Variants in DBR1 observed in about 807,000 individuals in gnomAD.
The protein encoded by DBR1 is debranching RNA lariats 1, also known as lariat debranching enzyme.
A neutral mutation model predicts 45.9 loss-of-function variants in DBR1; 33 were observed. The ratio of observed to expected loss-of-function variants is 0.72; its 90% CI spans 0.55 to 0.96. The LOEUF (loss-of-function observed/expected upper bound fraction) is 0.96. DBR1 is among the 40% of genes least tolerant of loss of function. The probability of loss-of-function intolerance (pLI) is 0.00; values close to 1 mark genes in which losing one functional copy is unlikely to be tolerated. For missense variants in DBR1, 619 were observed against 667.4 expected (o/e 0.93, Z 0.80); for synonymous variants, 235 against 235.9 (o/e 1.00, Z 0.04).
At position 138,165,590 on chromosome 3, in the gene DBR1, G is replaced by A. The variant is rs1258659473; in HGVS notation, c.714+1491C>T. ...TAAAAATAGAAAAAATTAGCCAGGC[G>A]TGGTGGCGGGCGCCTGTAGTCCCAG... On this transcript the variant is annotated intron_variant, in intron 5 of 7. Transcript: ENST00000260803. Among the ~76,000 whole-genome samples the A allele has an allele frequency of 1.3e-5, 2 of 152,088 alleles. 1 individual carries two copies. The highest frequency in any genetic ancestry group is 4.1e-4 in the South Asian group (2 of 4,832).
rs1397048462 is a variant in DBR1, at chr3:138,174,709, C to T, written c.87G>A (p.Gly29=). The change falls in exon 1 of 8, where the codon GGG becomes GGA. Residue 29 remains glycine (G), a synonymous_variant. Coordinates refer to ENST00000260803, the MANE Select transcript of DBR1 (RefSeq NM_016216.4). ...TLALAERRGP[G]PVDLLLCCGD... ...CGCAGCACAGCAAGAGGTCGACAGGCCCCGGGCCGCGCCGCTCTGCCAGCG... is the reference window on the plus strand; with the variant it reads ...CGCAGCACAGCAAGAGGTCGACAGGTCCCGGGCCGCGCCGCTCTGCCAGCG... The T allele has an allele frequency of 6.2e-7, 1 of 1,612,672 alleles. No homozygotes were observed. The highest frequency in any genetic ancestry group is 8.5e-7 in the Non-Finnish European group (1 of 1,179,596).
rs377091967 is a variant in DBR1 at position 138,163,863 on chromosome 3, A to C, written c.715-5T>G. 2.7e-5 allele frequency: 43 copies of C among 1,605,490 alleles called. No individual in the cohort carries two copies. Among genetic ancestry groups the C allele is most frequent in the Non-Finnish European group, 3.5e-5 (41 of 1,172,716 alleles). ...TGTCTGTCCTTTATCCTTTGCCTGG[A>C]CAATATGAATCATGATTTAAGAAAG... On this transcript the variant is annotated splice_polypyrimidine_tract_variant and splice_region_variant and intron_variant, in intron 5 of 7. Coordinates refer to ENST00000260803, the MANE Select transcript of DBR1 (RefSeq NM_016216.4).
chr3:138,172,070 C>A (rs1203826341), intron 2 of DBR1, among the ~76,000 whole-genome samples: 2 of 152,108 alleles, frequency 1.3e-5, no homozygotes, highest in Non-Finnish European at 2.9e-5. Flanking sequence ...CATGTATAAA[C>A]CTGAAAATCA....
At chr3:138,166,783 G>A (rs2042931898) in intron 5 of DBR1, among the ~76,000 whole-genome samples, 1 of 152,106 alleles carries the variant, frequency 6.6e-6, no homozygotes, top group South Asian at 2.1e-4. Flanking sequence ...CCCTTACAAT[G>A]TGTTTCTTCC....
intron 7 of DBR1, 59 bp from the exon 8 acceptor site, chr3:138,162,641 G>T: frequency 7.2e-7 from 1 of 1,379,722 alleles, no homozygotes; most frequent in South Asian, 1.4e-5. Flanking sequence ...AATAAATGAT[G>T]AAATCTAATT....
chr3:138,167,323 GAGAA>G lies in DBR1; in HGVS notation c.490-22_490-19del, dbSNP rs756940455. 3.1e-5 allele frequency: 48 copies of G among 1,546,610 alleles called. No homozygotes were observed. The highest frequency in any genetic ancestry group is 6.7e-5 in the East Asian group (3 of 44,572). On this transcript the variant is annotated intron_variant, in intron 4 of 7. Coordinates refer to ENST00000260803, the MANE Select transcript of DBR1 (RefSeq NM_016216.4). ...TGCTTCAGCTTTCAAAAGAGAAAAA[GAGAA>G]AGAAAGAAAACTCTTAAAACAGATT...
chr3:138,165,549 G>C (rs1402729450), intron 5 of DBR1, among the ~76,000 whole-genome samples: 1 of 151,974 alleles, frequency 6.6e-6, no homozygotes, highest in Non-Finnish European at 1.5e-5. Flanking sequence ...CTAACACAGT[G>C]AAACGCCGTC....
intron 5 of DBR1, 114 bp downstream of exon 5, chr3:138,166,967 T>G (rs1186711633): frequency 2.3e-6 from 2 of 886,696 alleles, no homozygotes; most frequent in African/African-American, 1.7e-5. Context: ...TATATTGAGC[T>G]ACTCACAAGA....
At chr3:138,165,831 A>G (rs560609937) in intron 5 of DBR1, among the ~76,000 whole-genome samples, 1 of 152,386 alleles carries the variant, frequency 6.6e-6, no homozygotes, top group South Asian at 2.1e-4. Flanking sequence ...GGGATAAAAT[A>G]GAAAGTGGCA....
At position 138,173,587 on chromosome 3, in the gene DBR1, G is replaced by A. The variant is rs35147674; in HGVS notation, c.237C>T (p.Leu79=). The change falls in exon 2 of 8, where the codon CTC becomes CTT. Residue 79 remains leucine (L), a synonymous_variant. Coordinates refer to ENST00000260803, the MANE Select transcript of DBR1 (RefSeq NM_016216.4). ...SGEKKAPVLT[L]FIGGNHEASN... Reference sequence around the variant, plus strand: ...AGGCTTCATGGTTTCCCCCAATGAAGAGCGTGAGAACTGGAGCCTTTTTCT... The same window carrying A: ...AGGCTTCATGGTTTCCCCCAATGAAAAGCGTGAGAACTGGAGCCTTTTTCT... The A allele has an allele frequency of 5.8e-3, 9,305 of 1,613,770 alleles. 53 individuals are homozygous for A. The highest frequency in any genetic ancestry group is 0.016 in the South Asian group (1,428 of 91,058).
intron 4 of DBR1, among the ~76,000 whole-genome samples, chr3:138,168,520 C>CA (rs1315660239): frequency 0.045 from 2,819 of 62,272 alleles, 60 homozygotes; most frequent in African/African-American, 0.11. Flanking sequence ...AACTTTGTCT[C>CA]AAAAAAAAAA....
chr3:138,169,997 A>T, intron 4 of DBR1, 110 bp downstream of exon 4: 1 of 715,076 alleles, frequency 1.4e-6, no homozygotes, highest in East Asian at 2.7e-5. Flanking sequence ...CATTTTAAAA[A>T]TACAGAATTG....
chr3:138,173,206 T>C (rs1353072306), intron 2 of DBR1, among the ~76,000 whole-genome samples: 1 of 129,212 alleles, frequency 7.7e-6, no homozygotes, highest in Admixed American at 8.8e-5. Flanking sequence ...TTTCTATTAA[T>C]AAAAGTTTAA....
At chr3:138,170,258 T>C (rs1431219033) in intron 3 of DBR1, 66 bp from the exon 4 acceptor site, 8 of 974,076 alleles carry the variant, frequency 8.2e-6, no homozygotes, top group African/African-American at 3.3e-5. Context: ...CAAAGACATA[T>C]ACACAGGTCT....
intron 7 of DBR1, 147 bp downstream of exon 7, chr3:138,163,202 G>C: frequency 1.3e-6 from 1 of 765,272 alleles, no homozygotes; most frequent in Non-Finnish European, 2.0e-6. Flanking sequence ...AGAGGATGCA[G>C]TGAGCCAAGA....
At chr3:138,165,764 A>T (rs1444248188) in intron 5 of DBR1, among the ~76,000 whole-genome samples, 1 of 152,192 alleles carries the variant, frequency 6.6e-6, no homozygotes, top group African/African-American at 2.4e-5. Flanking sequence ...TGGAGATTAT[A>T]GGCAGATATT....
Position 138,162,137 on chromosome 3 carries a change from CA to C in DBR1, c.1386del (p.Ala463GlnfsTer13). On this transcript the variant is annotated frameshift_variant, in exon 8 of 8. Transcript: ENST00000260803. LOFTEE classifies it high-confidence loss of function. Reference protein sequence around the residue: ...VEPSDQASEFSASFSDVRILP... With the variant: ...VEPSDQASEFXASFSDVRILP... ...AAGATCCTGACATCAGAGAAACTTGCAGAAAACTCAGAAGCTTGATCAGAAG... is the reference window on the plus strand; with the variant it reads ...AAGATCCTGACATCAGAGAAACTTGCGAAAACTCAGAAGCTTGATCAGAAG... 6.2e-7 allele frequency: 1 copy of C among 1,614,182 alleles called. No homozygotes were observed. Among genetic ancestry groups the C allele is most frequent in the East Asian group, 2.2e-5 (1 of 44,882 alleles).
At chr3:138,174,023 GA>G (rs138787515) in intron 1 of DBR1, among the ~76,000 whole-genome samples, 2,733 of 123,778 alleles carry the variant, frequency 0.022, 27 homozygotes, top group African/African-American at 0.054. Flanking sequence ...TCTGTCTCAA[GA>G]AAAAAAAAAA....
intron 5 of DBR1, among the ~76,000 whole-genome samples, chr3:138,166,516 C>T (rs1400951047): frequency 2.0e-5 from 3 of 152,164 alleles, no homozygotes; most frequent in South Asian, 4.1e-4. Context: ...TTTTACATTA[C>T]TCCAATCCAT....
Sources: allele counts gnomAD v4.1 joint callset (sites outside exome capture counted in the v4.1 genomes callset), GRCh38; gene constraint gnomAD v4.1.1; transcripts MANE v1.5; gene names NCBI Gene and HGNC (gene_info 2026-07-23, HGNC 2026-07-21).